N4BP2L2: variants seen among roughly 807,000 people sequenced by gnomAD.
N4BP2L2 encodes NEDD4 binding protein 2 like 2, also known as NEDD4-binding protein 2-like 2.
N4BP2L2 carries 50 observed loss-of-function variants against 56.2 expected under a neutral mutation model. The ratio of observed to expected loss-of-function variants is 0.89; its 90% confidence interval spans 0.71 to 1.13. The LOEUF (loss-of-function observed/expected upper bound fraction) is 1.13. Among genes scored for constraint, N4BP2L2 ranks in the 50% most tolerant of loss-of-function variants. The pLI, the probability that N4BP2L2 is intolerant of heterozygous loss-of-function variation, is 0.00. For synonymous variants in N4BP2L2, 203 were observed against 223.6 expected (o/e 0.91, Z 0.82); for missense variants, 689 against 693.8 (o/e 0.99, Z 0.08).
exon 6 of N4BP2L2, chr13:32,510,447 T>C (rs191323414): frequency 3.9e-4 from 59 of 152,248 alleles, no homozygotes; most frequent in African/African-American, 1.3e-3. Flanking sequence ...AGTCTATTGA[T>C]GTTTAATTTA....
At chr13:32,532,590 CTTTTTTTTT>C (rs759146834) in intron 2 of N4BP2L2, among the ~76,000 whole-genome samples, 2 of 128,396 alleles carry the variant, frequency 1.6e-5, no homozygotes, top group Non-Finnish European at 3.3e-5. Context: ...TTTCTTTTTT[CTTTTTTTTT>C]TTTTTTTTTA....
chr13:32,517,933 T>C (rs148134925), exon 6 of N4BP2L2: 7 of 1,614,118 alleles, frequency 4.3e-6, no homozygotes, highest in African/African-American at 1.3e-5. Context: ...ACAATAGAAA[T>C]GGACATTTGA....
At chr13:32,485,084 A>T (rs560124742) in intron 6 of N4BP2L2, among the ~76,000 whole-genome samples, 1 of 152,284 alleles carries the variant, frequency 6.6e-6, no homozygotes, top group Non-Finnish European at 1.5e-5. Context: ...AACCTCAAAA[A>T]ATTTCACTAG....
At chr13:32,514,790 A>C (rs951032311) in exon 6 of N4BP2L2, 4 of 152,180 alleles carry the variant, frequency 2.6e-5, no homozygotes, top group Non-Finnish European at 5.9e-5. Context: ...TTCTGTTTTT[A>C]ATTAAAATTA....
At chr13:32,491,725 G>A (rs563218601) in intron 6 of N4BP2L2, among the ~76,000 whole-genome samples, 129 of 150,364 alleles carry the variant, frequency 8.6e-4, no homozygotes, top group Non-Finnish European at 1.5e-3. Flanking sequence ...TCCACCTCCC[G>A]GGTTCAAGCG....
rs73447335 is a variant in N4BP2L2 at position 32,471,577 on chromosome 13, G to T, written c.366-27451C>A. On this transcript the variant is annotated intron_variant, in intron 6 of 9. Transcript: ENST00000357505. ...GGCGGACAAGGGGGAGCCAAGGCTC[G>T]GCTCGTCTTGCACCCAGAGAAAGAG... Among the ~76,000 whole-genome samples the T allele has an allele frequency of 7.0e-3, 1,064 of 152,358 alleles. 17 individuals are homozygous for T. The highest frequency in any genetic ancestry group is 0.024 in the African/African-American group (1,002 of 41,596).
chr13:32,511,794 C>T (rs1159042481), exon 6 of N4BP2L2: 1 of 151,396 alleles, frequency 6.6e-6, no homozygotes, highest in Non-Finnish European at 1.5e-5. Context: ...TGAAAGAAAA[C>T]ACGTACACAA....
At chr13:32,537,088 T>C in intron 1 of N4BP2L2, 61 bp from the exon 2 acceptor site, 2 of 1,181,364 alleles carry the variant, frequency 1.7e-6, no homozygotes, top group Admixed American at 6.5e-5. Flanking sequence ...AATAAAATTT[T>C]CTTCAAAAAC....
intron 3 of N4BP2L2, 165 bp downstream of exon 3, chr13:32,527,243 T>C: frequency 1.5e-6 from 1 of 674,818 alleles, no homozygotes. Context: ...GTAGGGCAAG[T>C]ATAATTATCA....
At chr13:32,484,839 T>C (rs1310722721) in intron 6 of N4BP2L2, among the ~76,000 whole-genome samples, 1 of 152,208 alleles carries the variant, frequency 6.6e-6, no homozygotes. Context: ...ATCTTAAGTA[T>C]ATGAAATACT....
chr13:32,486,047 C>T (rs991745581), intron 6 of N4BP2L2, among the ~76,000 whole-genome samples: 3 of 151,260 alleles, frequency 2.0e-5, no homozygotes, highest in Non-Finnish European at 4.4e-5. Flanking sequence ...TCCAGCCTGG[C>T]GAACAGAGAT....
intron 7 of N4BP2L2, among the ~76,000 whole-genome samples, chr13:32,441,003 C>T (rs1162553324): frequency 4.6e-5 from 7 of 151,346 alleles, no homozygotes; most frequent in South Asian, 2.1e-4. Flanking sequence ...TACAGGCACA[C>T]GCCACCACGC....
At chr13:32,509,656 G>C (rs1180677800), downstream of N4BP2L2, among the ~76,000 whole-genome samples, 1 of 152,032 alleles carries the variant, frequency 6.6e-6, no homozygotes, top group African/African-American at 2.4e-5. Context: ...TTATATTCTA[G>C]ATAAATGTCT....
intron 6 of N4BP2L2, among the ~76,000 whole-genome samples, chr13:32,468,550 A>G (rs924486196): frequency 3.5e-4 from 54 of 152,354 alleles, no homozygotes; most frequent in African/African-American, 1.3e-3. Context: ...GATATGACAG[A>G]ATCAGGATCC....
At chr13:32,455,884 T>G (rs1276786496) in intron 6 of N4BP2L2, among the ~76,000 whole-genome samples, 1 of 152,350 alleles carries the variant, frequency 6.6e-6, no homozygotes, top group East Asian at 1.9e-4. Context: ...GTCTGGGGAC[T>G]GGCCCACCCA....
intron 6 of N4BP2L2, among the ~76,000 whole-genome samples, chr13:32,447,186 T>G (rs143808045): frequency 6.4e-4 from 97 of 152,352 alleles, no homozygotes; most frequent in Non-Finnish European, 1.0e-3. Flanking sequence ...TATCACTAAC[T>G]TAATAGTATC....
chr13:32,497,494 G>A (rs1276912504), intron 6 of N4BP2L2, among the ~76,000 whole-genome samples: 2 of 152,196 alleles, frequency 1.3e-5, no homozygotes. Flanking sequence ...ACATCACCCT[G>A]AGACATGCTC....
intron 6 of N4BP2L2, among the ~76,000 whole-genome samples, chr13:32,470,391 T>C (rs760961831): frequency 3.3e-5 from 5 of 152,174 alleles, no homozygotes; most frequent in Non-Finnish European, 7.4e-5. Context: ...ATAATGAAAC[T>C]GAGGCAGCCT....
At chr13:32,500,282 A>T (rs1419460005) in intron 6 of N4BP2L2, among the ~76,000 whole-genome samples, 1 of 152,200 alleles carries the variant, frequency 6.6e-6, no homozygotes, top group East Asian at 1.9e-4. Context: ...TTAACTATTG[A>T]TGAGCTGCTT....
Sources: gnomAD v4.1 joint callset for allele counts (sites outside exome capture counted in the v4.1 genomes callset) on GRCh38, gnomAD v4.1.1 for gene constraint, MANE v1.5 for transcripts, NCBI Gene and HGNC (gene_info 2026-07-23, HGNC 2026-07-21) for gene names.